The following ATP2C1 variants were observed in gnomAD, a reference collection of about 807,000 sequenced individuals.
ATP2C1 encodes calcium-transporting ATPase type 2C member 1.
ATP2C1 carries 31 observed loss-of-function variants against 120.5 expected under a neutral mutation model. The observed-to-expected ratio is 0.26, with a 90% CI of 0.19 to 0.35. The LOEUF is 0.35. Ranked by LOEUF, ATP2C1 falls within the 10% of genes least tolerant of loss-of-function variation. ATP2C1 has a pLI of 1.00. For missense variants in ATP2C1, 731 were observed against 1,107.5 expected, an observed-to-expected ratio of 0.66 and a Z score of 4.83; for synonymous variants, 351 against 358.7, an observed-to-expected ratio of 0.98 and a Z score of 0.24.
chr3:130,938,165 A>G (rs903408612), intron 6 of ATP2C1, among the ~76,000 whole-genome samples: 2 of 152,230 alleles, frequency 1.3e-5, no homozygotes, highest in Non-Finnish European at 2.9e-5. Context: ...AAAAATTACT[A>G]TGAATAATGT....
Position 130,957,848 on chromosome 3 carries a change from G to A in ATP2C1, c.833-1427G>A, listed in dbSNP as rs141473087. 5.3e-4 allele frequency among the ~76,000 whole-genome samples: 81 copies of A among 152,204 alleles called. 1 individual carries two copies. The East Asian group carries it at 0.014, about 26-fold the overall frequency. Reference sequence around the variant, plus strand: ...ATTACAGGACTAATGCAATTTTAAAGCAATATTTCTGTTAATACAATATTA... The same window carrying A: ...ATTACAGGACTAATGCAATTTTAAAACAATATTTCTGTTAATACAATATTA... On this transcript the variant is annotated intron_variant, in intron 11 of 27. Coordinates refer to ENST00000510168, the MANE Select transcript of ATP2C1 (RefSeq NM_001378687.1).
chr3:130,852,779 A>G (rs1408316464), intron 1 of ATP2C1, among the ~76,000 whole-genome samples: 1 of 152,232 alleles, frequency 6.6e-6, no homozygotes, highest in Non-Finnish European at 1.5e-5. Context: ...TGTTGCCTCT[A>G]ATCCTTACAT....
chr3:130,943,658 T>C lies in ATP2C1; in HGVS notation c.531+1959T>C, dbSNP rs138458097. On this transcript the variant is annotated intron_variant, in intron 8 of 27. Coordinates refer to ENST00000510168, the MANE Select transcript of ATP2C1 (RefSeq NM_001378687.1). ...TGCAGTACTGTAGTTAGGTTGATTTTGTTCTAGTTAATCCACTTTTACGTA... is the reference window on the plus strand; with the variant it reads ...TGCAGTACTGTAGTTAGGTTGATTTCGTTCTAGTTAATCCACTTTTACGTA... 4.1e-3 allele frequency among the ~76,000 whole-genome samples: 618 copies of C among 152,374 alleles called. 8 individuals carry two copies. Among genetic ancestry groups the C allele is most frequent in the Admixed American group, 0.016 (252 of 15,310 alleles).
chr3:130,974,897 C>CA (rs1467529085), intron 17 of ATP2C1, among the ~76,000 whole-genome samples: 1 of 151,838 alleles, frequency 6.6e-6, no homozygotes, highest in Non-Finnish European at 1.5e-5. Flanking sequence ...TTTACCATGA[C>CA]AAAAAATAAA....
At chr3:130,857,470 C>G (rs773596270) in intron 1 of ATP2C1, among the ~76,000 whole-genome samples, 2 of 152,170 alleles carry the variant, frequency 1.3e-5, no homozygotes, top group Non-Finnish European at 2.9e-5. Context: ...TAAAAAACTC[C>G]CAAACCGGTT....
chr3:130,945,543 G>A (rs1282245666), intron 8 of ATP2C1, among the ~76,000 whole-genome samples: 1 of 128,194 alleles, frequency 7.8e-6, no homozygotes, highest in Non-Finnish European at 1.6e-5. Flanking sequence ...AGGCCCCGGT[G>A]TGTGATGTTT....
intron 17 of ATP2C1, among the ~76,000 whole-genome samples, chr3:130,972,622 C>CA (rs1553773407): frequency 1.7e-5 from 2 of 114,748 alleles, no homozygotes; most frequent in East Asian, 3.2e-4. Context: ...ATCCCTCCCC[C>CA]TCCCCCCACC....
chr3:130,945,596 A>G (rs2060116893), intron 8 of ATP2C1, among the ~76,000 whole-genome samples: 1 of 141,114 alleles, frequency 7.1e-6, no homozygotes, highest in Admixed American at 7.8e-5. Flanking sequence ...ATTCCCACGT[A>G]TGAGTGAGAA....
intron 8 of ATP2C1, among the ~76,000 whole-genome samples, chr3:130,949,796 A>G (rs2060294636): frequency 6.6e-6 from 1 of 152,082 alleles, no homozygotes. Context: ...TTTAAATTAC[A>G]TTTTTCTTCA....
At chr3:130,867,794 C>G (rs568735972) in intron 1 of ATP2C1, among the ~76,000 whole-genome samples, 1 of 99,764 alleles carries the variant, frequency 1.0e-5, no homozygotes, top group African/African-American at 3.8e-5. Flanking sequence ...GCTGCCCAGT[C>G]TGGAAAGTGA....
At position 130,964,872 on chromosome 3, in the gene ATP2C1, T is replaced by G; in HGVS notation, c.1025-76T>G. ...TCAGAGAAGTAGGACAGGATTCTAG[T>G]CTTTGATTTGTTTTTTAAGTGAACC... On this transcript the variant is annotated intron_variant, in intron 13 of 27. Coordinates refer to ENST00000510168, the MANE Select transcript of ATP2C1 (RefSeq NM_001378687.1). 3 of 1,041,970 alleles carry G rather than the reference T, an allele frequency of 2.9e-6. No individual in the cohort carries two copies. In the Admixed American group the frequency reaches 5.5e-5, roughly 19 times the overall value. The allele number at this position is 1,041,970 out of a possible 1,614,324, so 64.5% of individuals were successfully genotyped here.
intron 20 of ATP2C1, among the ~76,000 whole-genome samples, chr3:130,984,649 C>T (rs2061915502): frequency 6.6e-6 from 1 of 152,084 alleles, no homozygotes; most frequent in Non-Finnish European, 1.5e-5. Flanking sequence ...GATGTAATCT[C>T]TAATGTTGAA....
intron 2 of ATP2C1, among the ~76,000 whole-genome samples, chr3:130,925,142 A>G (rs2059146406): frequency 6.6e-6 from 1 of 152,150 alleles, no homozygotes; most frequent in Non-Finnish European, 1.5e-5. Context: ...GTGGTGTTAA[A>G]GAACCTTGTT....
intron 12 of ATP2C1, among the ~76,000 whole-genome samples, chr3:130,961,082 T>G (rs2060797462): frequency 6.6e-6 from 1 of 152,038 alleles, no homozygotes; most frequent in Non-Finnish European, 1.5e-5. Context: ...TGTGTTTTTT[T>G]TTTTCTCAAG....
At chr3:130,982,151 T>G (rs2108793409) in intron 20 of ATP2C1, among the ~76,000 whole-genome samples, 1 of 152,324 alleles carries the variant, frequency 6.6e-6, no homozygotes, top group African/African-American at 2.4e-5. Context: ...TAGTTTTGGG[T>G]TTTATACTTA....
Position 130,994,042 on chromosome 3 carries a change from T to A in ATP2C1, c.2001T>A (p.Asp667Glu). 4 of 1,614,156 alleles carry A rather than the reference T, an allele frequency of 2.5e-6. No individual in the cohort carries two copies. Among genetic ancestry groups the A allele is most frequent in the Non-Finnish European group, 3.4e-6 (4 of 1,180,020 alleles). The change falls in exon 22 of 28, where the codon GAT becomes GAA. Residue 667 changes from aspartate (D) to glutamate (E), a missense_variant. This residue lies in a region of ATP2C1 where 571 missense variants were observed against 845.9 expected (regional missense o/e 0.67). Coordinates refer to ENST00000510168, the MANE Select transcript of ATP2C1 (RefSeq NM_001378687.1). ...IGVAMGQTGT[D>E]VCKEAADMIL... ...TTGCGATGGGCCAGACTGGTACAGA[T>A]GTTTGCAAAGAGGCAGCAGACATGA...
chr3:130,877,997 A>G (rs993028563), intron 1 of ATP2C1, among the ~76,000 whole-genome samples: 24 of 152,038 alleles, frequency 1.6e-4, no homozygotes, highest in Non-Finnish European at 3.2e-4. Context: ...AGGGACATGG[A>G]TGAAGCTGGA....
chr3:131,008,834 T>G (rs944571232), intron 26 of ATP2C1, among the ~76,000 whole-genome samples: 1 of 152,204 alleles, frequency 6.6e-6, no homozygotes, highest in Admixed American at 6.5e-5. Context: ...CAGTGACTAC[T>G]CTGAGTCTCC....
chr3:130,966,852 A>AT (rs1258874340), intron 14 of ATP2C1, among the ~76,000 whole-genome samples: 4 of 152,322 alleles, frequency 2.6e-5, no homozygotes, highest in Middle Eastern at 3.4e-3. Context: ...GTAATGTCAT[A>AT]TAAGTTTAAG....
Sources: gnomAD v4.1 joint callset for allele counts (sites outside exome capture counted in the v4.1 genomes callset) on GRCh38, gnomAD v4.1.1 for gene constraint, gnomAD v4.1.1 regional missense constraint, MANE v1.5 for transcripts, NCBI Gene and HGNC (gene_info 2026-07-23, HGNC 2026-07-21) for gene names.